PHLDB3: variants seen among roughly 807,000 people sequenced by gnomAD.
PHLDB3 encodes the protein pleckstrin homology like domain family B member 3, also known as pleckstrin homology-like domain family B member 3.
In PHLDB3, 86 loss-of-function variants were observed where a neutral mutation model predicts 85.7. The ratio of observed to expected loss-of-function variants is 1.00; its 90% CI spans 0.84 to 1.20. The LOEUF (loss-of-function observed/expected upper bound fraction) is 1.20, where lower values mean the gene tolerates loss of function less well. Ranked by LOEUF, PHLDB3 falls within the 50% of genes most tolerant of loss-of-function variation. The pLI is 0.00. For synonymous variants in PHLDB3, 376 were observed against 349.8 expected, an observed-to-expected ratio of 1.07 and a Z score of -0.83; for missense variants, 995 against 873.0, an observed-to-expected ratio of 1.14 and a Z score of -1.76.
At position 43,502,291 on chromosome 19, in the gene PHLDB3, T is replaced by A. The variant is rs1971627137; in HGVS notation, c.214-8A>T. On this transcript the variant is annotated splice_region_variant and splice_polypyrimidine_tract_variant and intron_variant, in intron 2 of 15. Coordinates refer to ENST00000292140, the MANE Select transcript of PHLDB3 (RefSeq NM_198850.4). ...CGGAGGCGTAGCCTCGGGCTGAAGT[T>A]GAGGGGGGCGTGGTTAAGTGGAGAT... The A allele has an allele frequency of 6.5e-7, 1 of 1,549,738 alleles. No homozygotes were observed. Among genetic ancestry groups the A allele is most frequent in the Non-Finnish European group, 8.7e-7 (1 of 1,152,606 alleles).
chr19:43,493,725 C>T (rs1361794490), intron 9 of PHLDB3, among the ~76,000 whole-genome samples: 2 of 152,104 alleles, frequency 1.3e-5, no homozygotes, highest in Non-Finnish European at 1.5e-5. Flanking sequence ...TGACTTATTA[C>T]ACATTCTATG....
At chr19:43,494,418 C>A (rs921705534) in intron 9 of PHLDB3, among the ~76,000 whole-genome samples, 1 of 150,374 alleles carries the variant, frequency 6.7e-6, no homozygotes, top group Non-Finnish European at 1.5e-5. Flanking sequence ...GAAGGGGAGA[C>A]CTTATTAAAA....
chr19:43,485,722 A>G (rs1442688845), intron 13 of PHLDB3, among the ~76,000 whole-genome samples: 3 of 150,920 alleles, frequency 2.0e-5, no homozygotes, highest in Non-Finnish European at 4.4e-5. Flanking sequence ...ATGCCCGGCT[A>G]ATTTTTGTAT....
chr19:43,495,359 G>A lies in PHLDB3; in HGVS notation c.952-20C>T. The A allele has an allele frequency of 6.2e-7, 1 of 1,610,772 alleles. No homozygotes were observed. The highest frequency in any genetic ancestry group is 8.5e-7 in the Non-Finnish European group (1 of 1,178,364). ...CCGTTCCTACCAGAAGATATGGACA[G>A]CTACGTGTCAAAGTCAGAATGGGCT... On this transcript the variant is annotated intron_variant, in intron 7 of 15. Coordinates refer to ENST00000292140, the MANE Select transcript of PHLDB3 (RefSeq NM_198850.4).
chr19:43,498,222 C>G (rs1230000156), intron 4 of PHLDB3, among the ~76,000 whole-genome samples: 1 of 152,068 alleles, frequency 6.6e-6, no homozygotes, highest in Admixed American at 6.6e-5. Context: ...GCCTGTAGTT[C>G]CAGCTACTCG....
At chr19:43,475,768 G>T (rs1415091284) in intron 15 of PHLDB3, among the ~76,000 whole-genome samples, 1 of 152,072 alleles carries the variant, frequency 6.6e-6, no homozygotes, top group East Asian at 1.9e-4. Flanking sequence ...TATGTAGAGC[G>T]CTATTGATAA....
chr19:43,497,737 G>A lies in PHLDB3; in HGVS notation c.663+11C>T. 1 of 1,549,096 alleles carries A rather than the reference G, an allele frequency of 6.5e-7. No homozygotes were observed. The highest frequency in any genetic ancestry group is 8.7e-7 in the Non-Finnish European group (1 of 1,146,290). On this transcript the variant is annotated intron_variant, in intron 5 of 15. Transcript: ENST00000292140. ...AAAAAAAACAAAAAAGAAAGAACCA[G>A]ATGCCATTACCTCCTGCACACCCTG...
intron 4 of PHLDB3, among the ~76,000 whole-genome samples, chr19:43,498,441 A>G (rs1199057154): frequency 6.6e-6 from 1 of 150,712 alleles, no homozygotes; most frequent in Non-Finnish European, 1.5e-5. Flanking sequence ...GGGAAGAGAA[A>G]GAAAAAGAAA....
intron 12 of PHLDB3, 87 bp from the exon 13 acceptor site, chr19:43,486,409 G>A: frequency 1.5e-6 from 2 of 1,376,220 alleles, no homozygotes; most frequent in South Asian, 1.4e-5. Context: ...TCTCTGTTCT[G>A]AGGGTACAGG....
chr19:43,497,443 A>C (rs1462278902), intron 5 of PHLDB3, among the ~76,000 whole-genome samples, 164 bp from the exon 6 acceptor site: 1 of 152,114 alleles, frequency 6.6e-6, no homozygotes, highest in East Asian at 1.9e-4. Flanking sequence ...AGCTGGGCAC[A>C]GTGGCTCACG....
At chr19:43,488,423 CT>C (rs1971235488) in intron 9 of PHLDB3, among the ~76,000 whole-genome samples, 1 of 151,962 alleles carries the variant, frequency 6.6e-6, no homozygotes, top group East Asian at 1.9e-4. Flanking sequence ...TGCCACTGCG[CT>C]CCAGTCTGGG....
chr19:43,495,009 A>G lies in PHLDB3; in HGVS notation c.1036-194T>C, dbSNP rs12977999. Among the ~76,000 whole-genome samples the G allele has an allele frequency of 2.0e-3, 11 of 5,408 alleles. 2 individuals carry two copies. The Middle Eastern group carries it at 0.29, about 140-fold the overall frequency. 3.5% of individuals were successfully genotyped at this position (5,408 alleles called of 152,430 possible). A position where few individuals can be genotyped will look rare whatever the true frequency, so the allele number is the denominator to read the frequency against. Reference sequence around the variant, plus strand: ...GGCAGAGACTCCTGGCTCCCTGAGGAGGGGCTGGGGGCTGGACTCCTGGGT... The same window carrying G: ...GGCAGAGACTCCTGGCTCCCTGAGGGGGGGCTGGGGGCTGGACTCCTGGGT... On this transcript the variant is annotated intron_variant, in intron 8 of 15. Transcript: ENST00000292140.
chr19:43,502,980 T>G (rs1320067775), intron 2 of PHLDB3, among the ~76,000 whole-genome samples: 3 of 124,162 alleles, frequency 2.4e-5, no homozygotes, highest in Non-Finnish European at 5.1e-5. Context: ...GTCTCTCAGA[T>G]TCGGTATCTG....
chr19:43,484,627 G>A (rs573854038), intron 13 of PHLDB3, among the ~76,000 whole-genome samples: 1 of 152,174 alleles, frequency 6.6e-6, no homozygotes, highest in African/African-American at 2.4e-5. Context: ...TAGAAGAATC[G>A]CTTGAACCAG....
intron 2 of PHLDB3, 23 bp downstream of exon 2, chr19:43,503,883 G>A: frequency 6.2e-7 from 1 of 1,613,016 alleles, no homozygotes; most frequent in South Asian, 1.1e-5. Flanking sequence ...AGCCCCCCGC[G>A]CTGTCGCCCT....
chr19:43,502,450 TTCTTA>T (rs1764579850), intron 2 of PHLDB3, among the ~76,000 whole-genome samples, 167 bp from the exon 3 acceptor site: 1 of 130,528 alleles, frequency 7.7e-6, no homozygotes. Flanking sequence ...TTCTTTTTCT[TTCTTA>T]TCTTTTTTTT....
intron 13 of PHLDB3, among the ~76,000 whole-genome samples, chr19:43,480,392 A>G (rs1192414206): frequency 1.3e-5 from 2 of 151,374 alleles, no homozygotes; most frequent in Non-Finnish European, 2.9e-5. Context: ...TGAGTTGGAG[A>G]CCAGCCTGGG....
At chr19:43,487,162 T>A (rs760339170) in intron 9 of PHLDB3, 39 bp from the exon 10 acceptor site, 8 of 1,528,458 alleles carry the variant, frequency 5.2e-6, no homozygotes, top group Non-Finnish European at 7.1e-6. Flanking sequence ...GGAAAAAGGC[T>A]TGATCTCCAA....
At chr19:43,504,222 C>CCG (rs1971698439) in intron 1 of PHLDB3, 90 bp from the exon 2 acceptor site, 1 of 1,195,796 alleles carries the variant, frequency 8.4e-7, no homozygotes, top group African/African-American at 1.5e-5. Context: ...GGAGACCCCC[C>CCG]CCCAAGGAGG....
Sources: allele counts gnomAD v4.1 joint callset (sites outside exome capture counted in the v4.1 genomes callset), GRCh38; gene constraint gnomAD v4.1.1; transcripts MANE v1.5; gene names NCBI Gene and HGNC (gene_info 2026-07-23, HGNC 2026-07-21).